PEPD: variants seen among roughly 807,000 people sequenced by gnomAD.
PEPD encodes the protein xaa-Pro dipeptidase.
A neutral mutation model predicts 60.7 loss-of-function variants in PEPD; 53 were observed. The observed-to-expected ratio is 0.87, with a 90% CI of 0.70 to 1.10. PEPD has a LOEUF of 1.10. Among genes scored for constraint, PEPD ranks in the 50% least tolerant of loss-of-function variants. The pLI is 0.00. For missense variants in PEPD, 711 were observed against 711.9 expected (o/e 1.00, Z 0.01); for synonymous variants, 267 against 284.1 (o/e 0.94, Z 0.60).
chr19:33,411,304 C>T (rs949442884), intron 11 of PEPD, among the ~76,000 whole-genome samples: 2 of 152,166 alleles, frequency 1.3e-5, no homozygotes, highest in African/African-American at 4.8e-5. Context: ...GCCTGCCCTC[C>T]TGGCACCAAG....
At chr19:33,500,769 G>A (rs990000892) in intron 4 of PEPD, among the ~76,000 whole-genome samples, 169 bp downstream of exon 4, 2 of 152,194 alleles carry the variant, frequency 1.3e-5, no homozygotes, top group Non-Finnish European at 2.9e-5. Flanking sequence ...TGAGGCATGG[G>A]TTGCTGCCTA....
At chr19:33,474,216 C>A (rs1366557442) in intron 7 of PEPD, among the ~76,000 whole-genome samples, 1 of 152,220 alleles carries the variant, frequency 6.6e-6, no homozygotes, top group Non-Finnish European at 1.5e-5. Context: ...GACACTCAGG[C>A]AGCCCCACTC....
intron 9 of PEPD, among the ~76,000 whole-genome samples, chr19:33,441,357 G>A (rs1294826206): frequency 6.6e-6 from 1 of 152,214 alleles, no homozygotes; most frequent in Admixed American, 6.5e-5. Context: ...AGCCAGCCCA[G>A]TAGTGCAGAC....
chr19:33,463,891 T>C, intron 8 of PEPD, 96 bp downstream of exon 8: 1 of 811,218 alleles, frequency 1.2e-6, no homozygotes, highest in South Asian at 1.4e-5. Flanking sequence ...CCCTCAGGGA[T>C]TAGAGCCCAC....
At chr19:33,511,286 C>G in intron 2 of PEPD, 131 bp from the exon 3 acceptor site, 1 of 895,768 alleles carries the variant, frequency 1.1e-6, no homozygotes, top group African/African-American at 1.6e-5. Flanking sequence ...CAGCCCCAGA[C>G]ATCCCTTCCC....
chr19:33,420,186 T>C (rs918120678), intron 9 of PEPD, among the ~76,000 whole-genome samples: 5 of 86,060 alleles, frequency 5.8e-5, no homozygotes, highest in African/African-American at 1.9e-4. Context: ...GGATAAAACA[T>C]TCTATCTCCT....
In PEPD at chr19:33,480,527, T is replaced by C. The variant is rs1035329169; in HGVS notation, c.504-2437A>G. 2.0e-5 allele frequency among the ~76,000 whole-genome samples: 3 copies of C among 152,270 alleles called. No homozygotes were observed. In the South Asian group the frequency reaches 6.2e-4, roughly 32 times the overall value. On this transcript the variant is annotated intron_variant, in intron 6 of 14. Transcript: ENST00000244137. ...ACAGAAGACCTGAACAAAAACGCGGTGGCTCACGCCTGTAATCGCAGCACT... is the reference window on the plus strand; with the variant it reads ...ACAGAAGACCTGAACAAAAACGCGGCGGCTCACGCCTGTAATCGCAGCACT...
rs190262307 is a variant in PEPD at position 33,521,329 on chromosome 19, G to A, written c.17+415C>T. Among the ~76,000 whole-genome samples, 231 of 152,374 alleles carry A rather than the reference G, an allele frequency of 1.5e-3. 2 individuals carry two copies. Among genetic ancestry groups the A allele is most frequent in the African/African-American group, 4.8e-3 (198 of 41,598 alleles). On this transcript the variant is annotated intron_variant, in intron 1 of 14. Transcript: ENST00000244137. ...GTGACATTTGGCCCCTGAAAGAAAT[G>A]GGGAAGTGCCCTGCTGGGAAAAGGG...
intron 6 of PEPD, among the ~76,000 whole-genome samples, chr19:33,481,558 C>T (rs1970314339): frequency 6.6e-6 from 1 of 151,958 alleles, no homozygotes; most frequent in Non-Finnish European, 1.5e-5. Context: ...AAGAGTGAAA[C>T]TCCATCTCAA....
In PEPD at chr19:33,387,205, T is replaced by G; in HGVS notation, c.*139A>C. The G allele has an allele frequency of 3.1e-6, 3 of 982,448 alleles. No homozygotes were observed. The highest frequency in any genetic ancestry group is 4.7e-6 in the Non-Finnish European group (3 of 636,576). The allele number at this position is 982,448 out of a possible 1,614,324, so 60.9% of individuals were successfully genotyped here. On this transcript the variant is annotated 3_prime_UTR_variant, in exon 15 of 15. Transcript: ENST00000244137. ...TTTCCTCCCCGGGAAACAGCACTGT[T>G]TGGTCTGATCAAATGCCGAAGCTGG... is the stretch of plus-strand genomic sequence containing the variant.
intron 4 of PEPD, among the ~76,000 whole-genome samples, chr19:33,493,943 A>C: frequency 6.6e-6 from 1 of 151,614 alleles, no homozygotes; most frequent in East Asian, 1.9e-4. Flanking sequence ...TCCTCTCTCC[A>C]CGCCTCTGCT....
chr19:33,462,963 T>A, intron 9 of PEPD, 32 bp downstream of exon 9: 1 of 1,473,828 alleles, frequency 6.8e-7, no homozygotes, highest in Non-Finnish European at 9.5e-7. Flanking sequence ...TTTTTACCTT[T>A]TAATTTTACC....
chr19:33,397,464 C>T (rs1298518058), intron 12 of PEPD, among the ~76,000 whole-genome samples: 12 of 152,048 alleles, frequency 7.9e-5, no homozygotes, highest in African/African-American at 1.2e-4. Flanking sequence ...CTCGATGCTA[C>T]GGGAGGCGAC....
chr19:33,429,438 T>A (rs1032231017), intron 9 of PEPD, among the ~76,000 whole-genome samples: 1 of 152,250 alleles, frequency 6.6e-6, no homozygotes, highest in African/African-American at 2.4e-5. Flanking sequence ...GAATCCTTGT[T>A]TATATATTAT....
chr19:33,496,853 C>G (rs191485225), intron 4 of PEPD, among the ~76,000 whole-genome samples: 2 of 152,370 alleles, frequency 1.3e-5, no homozygotes, highest in East Asian at 1.9e-4. Context: ...CCACGGACAC[C>G]TCCTGCACTT....
At chr19:33,423,860 A>G (rs763794663) in intron 9 of PEPD, among the ~76,000 whole-genome samples, 61 of 152,200 alleles carry the variant, frequency 4.0e-4, no homozygotes, top group Non-Finnish European at 4.4e-4. Flanking sequence ...TCCTTTAAGA[A>G]GTCGTTCCCT....
At chr19:33,513,098 G>A (rs901395004) in intron 1 of PEPD, among the ~76,000 whole-genome samples, 1 of 151,610 alleles carries the variant, frequency 6.6e-6, no homozygotes, top group African/African-American at 2.4e-5. Context: ...AGTCCTCACT[G>A]GCCACTTGGT....
At chr19:33,427,822 G>A (rs898713582) in intron 9 of PEPD, among the ~76,000 whole-genome samples, 3 of 152,028 alleles carry the variant, frequency 2.0e-5, no homozygotes, top group Non-Finnish European at 2.9e-5. Flanking sequence ...TTTGCCTATC[G>A]ATGCAAAGTT....
intron 1 of PEPD, among the ~76,000 whole-genome samples, chr19:33,513,822 C>A (rs1186367541): frequency 2.0e-5 from 3 of 152,200 alleles, no homozygotes; most frequent in Admixed American, 6.5e-5. Flanking sequence ...TTTGCCGCTG[C>A]GGCGCCCTGT....
Sources: gnomAD v4.1 joint callset for allele counts (sites outside exome capture counted in the v4.1 genomes callset) on GRCh38, gnomAD v4.1.1 for gene constraint, MANE v1.5 for transcripts, NCBI Gene and HGNC (gene_info 2026-07-23, HGNC 2026-07-21) for gene names.